Variants in ZMYM2 observed in about 807,000 individuals in gnomAD.
The protein encoded by ZMYM2 is zinc finger MYM-type containing 2.
Under a neutral mutation model 162.8 loss-of-function variants are expected in ZMYM2, and 56 were observed. The observed-to-expected ratio is 0.34, with a 90% CI of 0.28 to 0.43. The LOEUF is 0.43. Ranked by LOEUF, ZMYM2 falls within the 20% of genes least tolerant of loss-of-function variation. The pLI is 1.00. For missense variants in ZMYM2, 1,275 were observed against 1,621.8 expected (o/e 0.79, Z 3.67); for synonymous variants, 510 against 541.6 (o/e 0.94, Z 0.81).
the ZMYM2 span, among the ~76,000 whole-genome samples, chr13:19,941,322 C>CAAAAAAAAA: frequency 7.8e-6 from 1 of 128,194 alleles, no homozygotes. Flanking sequence ...AACAAAAAAA[C>CAAAAAAAAA]AAAAAAAAAA....
intron 12 of ZMYM2, among the ~76,000 whole-genome samples, chr13:20,040,736 A>C (rs755803260): frequency 1.3e-5 from 2 of 152,154 alleles, no homozygotes; most frequent in Non-Finnish European, 2.9e-5. Flanking sequence ...TGATGTGGGC[A>C]TTTAGTGCTA....
chr13:19,897,988 A>T, the ZMYM2 span, among the ~76,000 whole-genome samples: 1 of 152,160 alleles, frequency 6.6e-6, no homozygotes, highest in African/African-American at 2.4e-5. Context: ...ACTATGGAAC[A>T]ATCAGACCTA....
At chr13:19,920,661 G>C in the ZMYM2 span, among the ~76,000 whole-genome samples, 1 of 151,964 alleles carries the variant, frequency 6.6e-6, no homozygotes, top group Non-Finnish European at 1.5e-5. Flanking sequence ...AAGACCACAT[G>C]CCTAGGGAAA....
intron 10 of ZMYM2, among the ~76,000 whole-genome samples, chr13:20,031,916 G>A (rs901849262): frequency 6.9e-6 from 1 of 144,566 alleles, no homozygotes; most frequent in African/African-American, 2.7e-5. Context: ...TGTTGCCCAG[G>A]CTGGAGTGCA....
chr13:19,952,979 G>A, the ZMYM2 span, among the ~76,000 whole-genome samples: 1 of 152,188 alleles, frequency 6.6e-6, no homozygotes, highest in Non-Finnish European at 1.5e-5. Context: ...CAGGGAAGTA[G>A]GTTTCCTTAT....
chr13:20,017,276 C>A (rs1951705604), intron 6 of ZMYM2, among the ~76,000 whole-genome samples: 1 of 152,158 alleles, frequency 6.6e-6, no homozygotes, highest in Admixed American at 6.5e-5. Flanking sequence ...GCTAATTGGC[C>A]TTTTCTTGTG....
At chr13:19,871,435 G>T in the ZMYM2 span, among the ~76,000 whole-genome samples, 1 of 150,078 alleles carries the variant, frequency 6.7e-6, no homozygotes, top group African/African-American at 2.5e-5. Flanking sequence ...TATTTTCATT[G>T]ATAGAGCATG....
intron 24 of ZMYM2, among the ~76,000 whole-genome samples, chr13:20,084,411 A>G (rs1009839468): frequency 6.6e-6 from 1 of 152,228 alleles, no homozygotes; most frequent in Non-Finnish European, 1.5e-5. Context: ...TTTTGGGCCT[A>G]TGGAATCACT....
chr13:20,025,002 C>G (rs1038376010), intron 7 of ZMYM2: 1 of 213,336 alleles, frequency 4.7e-6, no homozygotes, highest in African/African-American at 2.3e-5. Flanking sequence ...TTTTTCTATT[C>G]GTTTCAAGCT....
At position 20,055,154 on chromosome 13, in the gene ZMYM2, A is replaced by ATTG. The variant is rs1955688505; in HGVS notation, c.2493+2844_2493+2846dup. On this transcript the variant is annotated intron_variant, in intron 14 of 24. Coordinates refer to ENST00000610343, the MANE Select transcript of ZMYM2 (RefSeq NM_197968.4). ...TGGTATGAGGAGTAGGGGTAGGGGCATTGGTGGATGGTGGTGGTCCTAGAA... is the reference window on the plus strand; with the variant it reads ...TGGTATGAGGAGTAGGGGTAGGGGCATTGTTGGTGGATGGTGGTGGTCCTAGAA... 4.6e-5 allele frequency among the ~76,000 whole-genome samples: 7 copies of ATTG among 152,268 alleles called. No individual in the cohort carries two copies. In the South Asian group the frequency reaches 1.4e-3, roughly 32 times the overall value.
the ZMYM2 span, among the ~76,000 whole-genome samples, chr13:19,885,549 T>C: frequency 6.6e-6 from 1 of 152,126 alleles, no homozygotes; most frequent in African/African-American, 2.4e-5. Context: ...CTTAAAAATA[T>C]GTATTTTAGG....
chr13:20,061,037 T>G lies in ZMYM2; in HGVS notation c.2740-16T>G. The stretch of plus-strand genomic sequence containing the variant: ...AATGTTTAGTAAACCTAACTCAAAA[T>G]GATTTGGTTAATTAGGTGCCAGTTC... On this transcript the variant is annotated splice_polypyrimidine_tract_variant and intron_variant, in intron 16 of 24. Transcript: ENST00000610343. The G allele has an allele frequency of 6.3e-7, 1 of 1,597,320 alleles. No individual in the cohort carries two copies. The highest frequency in any genetic ancestry group is 1.3e-5 in the African/African-American group (1 of 74,660).
chr13:19,872,969 C>T, the ZMYM2 span, among the ~76,000 whole-genome samples: 2 of 151,374 alleles, frequency 1.3e-5, no homozygotes, highest in Non-Finnish European at 2.9e-5. Flanking sequence ...CACTGCACTC[C>T]AGCCAGGGTG....
chr13:19,870,514 C>T, the ZMYM2 span, among the ~76,000 whole-genome samples: 5 of 138,866 alleles, frequency 3.6e-5, no homozygotes. Flanking sequence ...TCCCTCCCTC[C>T]CTCTTTCTCT....
rs149823231 is a variant in ZMYM2 at position 19,978,033 on chromosome 13, C to T, written c.-10-15030C>T. Among the ~76,000 whole-genome samples, 662 of 151,924 alleles carry T rather than the reference C, an allele frequency of 4.4e-3. 5 individuals are homozygous for T. Among genetic ancestry groups the T allele is most frequent in the African/African-American group, 0.013 (542 of 41,432 alleles). Reference sequence around the variant, plus strand: ...CTGTGACTACAGGTGCCCACCACCACGCCTGGCTAATGTTTTTGTATTTTT... The same window carrying T: ...CTGTGACTACAGGTGCCCACCACCATGCCTGGCTAATGTTTTTGTATTTTT... On this transcript the variant is annotated intron_variant, in intron 2 of 24. Transcript: ENST00000610343.
chr13:19,883,595 A>G, the ZMYM2 span, among the ~76,000 whole-genome samples: 1 of 151,066 alleles, frequency 6.6e-6, no homozygotes, highest in Non-Finnish European at 1.5e-5. Context: ...GGCTATGTTT[A>G]TTTAGTTTGG....
chr13:19,987,659 A>G (rs866327163), intron 2 of ZMYM2, among the ~76,000 whole-genome samples: 73 of 48,212 alleles, frequency 1.5e-3, no homozygotes, highest in South Asian at 2.7e-3. Context: ...GTGTGTGTGT[A>G]TAGGAAAGAT....
the ZMYM2 span, among the ~76,000 whole-genome samples, chr13:19,893,486 C>T: frequency 6.6e-6 from 1 of 151,882 alleles, no homozygotes; most frequent in Non-Finnish European, 1.5e-5. Flanking sequence ...GCCTGTAATC[C>T]TAACACTTTG....
rs147177874 is a variant in ZMYM2, at chr13:20,023,726, C to T, written c.1585-2886C>T. Among the ~76,000 whole-genome samples the T allele has an allele frequency of 2.3e-4, 35 of 152,138 alleles. 1 individual carries two copies. The East Asian group carries it at 5.4e-3, about 23-fold the overall frequency. ...CATCACTAAATGTGTGTTTATAGGACGCATATAAATTTGTATGAAATTTAA... is the reference window on the plus strand; with the variant it reads ...CATCACTAAATGTGTGTTTATAGGATGCATATAAATTTGTATGAAATTTAA... On this transcript the variant is annotated intron_variant, in intron 7 of 24. Coordinates refer to ENST00000610343, the MANE Select transcript of ZMYM2 (RefSeq NM_197968.4).
Sources: allele counts gnomAD v4.1 joint callset (sites outside exome capture counted in the v4.1 genomes callset), GRCh38; gene constraint gnomAD v4.1.1; transcripts MANE v1.5; gene names NCBI Gene and HGNC (gene_info 2026-07-23, HGNC 2026-07-21).